Variants in TSHR observed in about 807,000 individuals in gnomAD.
TSHR encodes thyroid stimulating hormone receptor.
TSHR carries 51 observed loss-of-function variants against 64.1 expected under a neutral mutation model. That is an observed-to-expected ratio of 0.80 (90% CI 0.64 to 1.01). The LOEUF is 1.01. Ranked by LOEUF, TSHR falls within the 50% of genes least tolerant of loss-of-function variation. TSHR has a pLI of 0.00. For missense variants in TSHR, 877 were observed against 942.8 expected, an observed-to-expected ratio of 0.93 and a Z score of 0.91; for synonymous variants, 361 against 361.9, an observed-to-expected ratio of 1.00 and a Z score of 0.03.
At chr14:81,002,474 GT>G (rs1389445684) in intron 1 of TSHR, among the ~76,000 whole-genome samples, 1 of 152,162 alleles carries the variant, frequency 6.6e-6, no homozygotes, top group Non-Finnish European at 1.5e-5. Flanking sequence ...ATTTAATTGA[GT>G]TAATCTATGT....
chr14:81,025,802 C>T (rs974926632), intron 1 of TSHR, among the ~76,000 whole-genome samples: 2 of 143,356 alleles, frequency 1.4e-5, no homozygotes, highest in Non-Finnish European at 3.1e-5. Context: ...AGTACACACT[C>T]CCATCTGTCA....
Position 81,091,071 on chromosome 14 carries a change from G to T in TSHR, c.395G>T (p.Gly132Val). The T allele has an allele frequency of 1.2e-6, 2 of 1,610,130 alleles. No individual in the cohort carries two copies. The highest frequency in any genetic ancestry group is 8.5e-7 in the Non-Finnish European group (1 of 1,178,956). ...LKELPLLKFLGIFNTGLKMFP... is the reference protein window; with the variant it reads ...LKELPLLKFLVIFNTGLKMFP... Reference sequence around the variant, plus strand: ...TTCTCTTTTTTTCATTAATTTAGTGGCATTTTCAACACTGGACTTAAAATG... The same window carrying T: ...TTCTCTTTTTTTCATTAATTTAGTGTCATTTTCAACACTGGACTTAAAATG... Residue 132 changes from glycine to valine, a missense_variant and splice_region_variant, in exon 5 of 10, where the codon GGC (glycine) becomes GTC (valine). Transcript: ENST00000298171.
At chr14:81,120,035 G>T (rs1427677612) in intron 8 of TSHR, among the ~76,000 whole-genome samples, 2 of 107,076 alleles carry the variant, frequency 1.9e-5, no homozygotes, top group Non-Finnish European at 3.8e-5. Flanking sequence ...GTTGTGGGGT[G>T]GGGGGAGGGG....
Position 81,143,705 on chromosome 14 carries a change from C to T in TSHR, c.1647C>T (p.Cys549=), listed in dbSNP as rs1891806952. Residue 549 remains cysteine (C), a synonymous_variant, in exon 10 of 10, where the codon TGC becomes TGT. Coordinates refer to ENST00000298171, the MANE Select transcript of TSHR (RefSeq NM_000369.5). ...CAIMVGGWVC[C]FLLALLPLVG... is the part of the protein sequence containing the mutation. ...TCATGGTTGGGGGCTGGGTTTGCTG[C>T]TTCCTTCTCGCCCTGCTTCCTTTGG... 1 of 1,614,104 alleles carries T rather than the reference C, an allele frequency of 6.2e-7. No individual in the cohort carries two copies. Among genetic ancestry groups the T allele is most frequent in the Admixed American group, 1.7e-5 (1 of 60,010 alleles).
intron 7 of TSHR, chr14:81,102,717 G>C (rs965324596): frequency 2.3e-6 from 2 of 854,338 alleles, no homozygotes; most frequent in Non-Finnish European, 2.8e-6. Context: ...ACAAAAACAA[G>C]GGCAAGGTAG....
At position 81,142,851 on chromosome 14, in the gene TSHR, C is replaced by A. The variant is rs892565685; in HGVS notation, c.882-89C>A. The A allele has an allele frequency of 1.5e-5, 17 of 1,148,162 alleles. No individual in the cohort carries two copies. The African/African-American group carries it at 2.1e-4, about 14-fold the overall frequency. The allele number at this position is 1,148,162 out of a possible 1,614,324, so 71.1% of individuals were successfully genotyped here. On this transcript the variant is annotated intron_variant, in intron 9 of 9. Transcript: ENST00000298171. Reference sequence around the variant, plus strand: ...TCTCAAACTCCTAGGCTCAAGCAATCCACCTGCCTTGGCCTCCCAAAGTGC... The same window carrying A: ...TCTCAAACTCCTAGGCTCAAGCAATACACCTGCCTTGGCCTCCCAAAGTGC...
At chr14:80,968,635 C>G (rs1887436781) in intron 1 of TSHR, among the ~76,000 whole-genome samples, 1 of 152,172 alleles carries the variant, frequency 6.6e-6, no homozygotes, top group Non-Finnish European at 1.5e-5. Flanking sequence ...GACTTCAGCT[C>G]CAAGGGTTCT....
chr14:80,992,940 G>A (rs1053521975), intron 1 of TSHR: 20 of 152,152 alleles, frequency 1.3e-4, no homozygotes, highest in African/African-American at 4.1e-4. Flanking sequence ...GTCTCACTGC[G>A]TTCCTTGTGG....
intron 1 of TSHR, among the ~76,000 whole-genome samples, chr14:80,976,115 G>T (rs1267036906): frequency 6.6e-6 from 1 of 152,148 alleles, no homozygotes; most frequent in Non-Finnish European, 1.5e-5. Context: ...GTTTCACCGT[G>T]TTAGCCAGGA....
intron 1 of TSHR, among the ~76,000 whole-genome samples, chr14:81,025,074 C>T (rs890892256): frequency 6.6e-6 from 1 of 152,166 alleles, no homozygotes; most frequent in Non-Finnish European, 1.5e-5. Flanking sequence ...TGCAGTAATA[C>T]AGTATGTACA....
In TSHR at chr14:81,103,586, T is replaced by C. The variant is rs544488121; in HGVS notation, c.615-4789T>C. ...GCAATTAGTTAGGATTTCATGAAAA[T>C]GATGGCAGATGTGTAAAAGCACATT... On this transcript the variant is annotated intron_variant, in intron 7 of 9. Transcript: ENST00000298171. This position sits in a 1 kb window ranked among gnomAD's most constrained non-coding sequence, Gnocchi z 4.1. 1.7e-4 allele frequency: 163 copies of C among 985,418 alleles called. No homozygotes were observed. The South Asian group carries it at 6.4e-3, about 39-fold the overall frequency. 61.0% of individuals were successfully genotyped at this position (985,418 alleles called of 1,614,324 possible). A position where few individuals can be genotyped will look rare whatever the true frequency, so the allele number is the denominator to read the frequency against.
At chr14:81,080,044 C>T (rs1446080441) in intron 3 of TSHR, among the ~76,000 whole-genome samples, 1 of 152,104 alleles carries the variant, frequency 6.6e-6, no homozygotes, top group Non-Finnish European at 1.5e-5. Flanking sequence ...CCTCCGCCTC[C>T]TGGGTTCAAG....
chr14:81,031,644 G>A (rs914801080), intron 1 of TSHR, among the ~76,000 whole-genome samples: 3 of 152,156 alleles, frequency 2.0e-5, no homozygotes, highest in African/African-American at 7.2e-5. Context: ...GCGCCCAGGA[G>A]AGTAACCACA....
intron 1 of TSHR, among the ~76,000 whole-genome samples, chr14:80,975,698 G>A (rs909627205): frequency 6.6e-6 from 1 of 152,148 alleles, no homozygotes; most frequent in Non-Finnish European, 1.5e-5. Context: ...AAAATCCAAA[G>A]GACATTTTAG....
rs778363012 is a variant in TSHR at position 81,143,618 on chromosome 14, G to C, written c.1560G>C (p.Trp520Cys). Residue 520 changes from tryptophan to cysteine, a missense_variant, in exon 10 of 10, where the codon TGG becomes TGC. Physicochemically the swap from Trp to Cys is radical, Grantham distance 215 (BLOSUM62 -2). Coordinates refer to ENST00000298171, the MANE Select transcript of TSHR (RefSeq NM_000369.5). ...YTLTVITLER[W>C]YAITFAMRLD... is the part of the protein sequence containing the mutation. The stretch of plus-strand genomic sequence containing the variant: ...TGACGGTCATCACCCTGGAGCGCTG[G>C]TATGCCATCACCTTCGCCATGCGCC... The C allele has an allele frequency of 9.3e-6, 15 of 1,613,930 alleles. No individual in the cohort carries two copies. Among genetic ancestry groups the C allele is most frequent in the Non-Finnish European group, 1.3e-5 (15 of 1,180,034 alleles).
chr14:80,997,703 G>A (rs1359322553), intron 1 of TSHR, among the ~76,000 whole-genome samples: 1 of 152,188 alleles, frequency 6.6e-6, no homozygotes, highest in Non-Finnish European at 1.5e-5. Context: ...AGATAGTTAT[G>A]AAATAAGTAA....
In TSHR at chr14:81,143,498, G is replaced by A. The variant is rs1891791816; in HGVS notation, c.1440G>A (p.Glu480=). The part of the protein sequence containing the change: ...IASVDLYTHS[E]YYNHAIDWQT... ...CTGTAGACCTCTACACTCACTCTGA[G>A]TACTACAACCATGCCATCGACTGGC... The change falls in exon 10 of 10, where the codon GAG becomes GAA. Residue 480 remains glutamate (E), a synonymous_variant. Coordinates refer to ENST00000298171, the MANE Select transcript of TSHR (RefSeq NM_000369.5). 1.9e-6 allele frequency: 3 copies of A among 1,613,976 alleles called. No individual in the cohort carries two copies. Among genetic ancestry groups the A allele is most frequent in the African/African-American group, 2.7e-5 (2 of 75,058 alleles).
intron 7 of TSHR, among the ~76,000 whole-genome samples, chr14:81,099,117 G>A (rs554797684): frequency 1.3e-5 from 2 of 152,328 alleles, no homozygotes; most frequent in African/African-American, 4.8e-5. Flanking sequence ...CATTCTGGAT[G>A]TAGCAGGATC....
At chr14:80,984,508 G>A (rs1264398815) in intron 1 of TSHR, among the ~76,000 whole-genome samples, 1 of 152,186 alleles carries the variant, frequency 6.6e-6, no homozygotes, top group Admixed American at 6.5e-5. Context: ...GAGAGGGTAA[G>A]TACTTTTTCC....
Sources: gnomAD v4.1 joint callset for allele counts (sites outside exome capture counted in the v4.1 genomes callset) on GRCh38, gnomAD v4.1.1 for gene constraint, Gnocchi (gnomAD v3.1) non-coding constraint, MANE v1.5 for transcripts, NCBI Gene and HGNC (gene_info 2026-07-23, HGNC 2026-07-21) for gene names.